SLC7A5: variants seen among roughly 807,000 people sequenced by gnomAD.
The protein encoded by SLC7A5 is solute carrier family 7 member 5, also known as large neutral amino acids transporter small subunit 1.
A neutral mutation model predicts 50.2 loss-of-function variants in SLC7A5; 23 were observed. The ratio of observed to expected loss-of-function variants is 0.46; its 90% confidence interval spans 0.33 to 0.65. The LOEUF (loss-of-function observed/expected upper bound fraction) is 0.65, where lower values mean the gene tolerates loss of function less well. Ranked by LOEUF, SLC7A5 falls within the 30% of genes least tolerant of loss-of-function variation. The probability of loss-of-function intolerance (pLI) is 0.02; values close to 1 mark genes in which losing one functional copy is unlikely to be tolerated. For synonymous variants in SLC7A5, 393 were observed against 330.6 expected (o/e 1.19, Z -2.05); for missense variants, 578 against 684.4 (o/e 0.84, Z 1.73).
At chr16:87,836,739 G>A (rs1597493745) in intron 7 of SLC7A5, 92 bp from the exon 8 acceptor site, 1 of 1,391,992 alleles carries the variant, frequency 7.2e-7, no homozygotes, top group Non-Finnish European at 1.0e-6. Flanking sequence ...CAGCCTGGCT[G>A]GGCCCAGCTG....
chr16:87,853,330 T>A lies in SLC7A5; in HGVS notation c.539-1481A>T, dbSNP rs1212663495. Among the ~76,000 whole-genome samples the A allele has an allele frequency of 6.6e-6, 1 of 152,230 alleles. No individual in the cohort carries two copies. Among genetic ancestry groups the A allele is most frequent in the Non-Finnish European group, 1.5e-5 (1 of 68,030 alleles). ...ATCTCTCAGAAATTAACCACCCCGC[T>A]ACAATTCTGTGGATGCCAGAGCGGA... On this transcript the variant is annotated intron_variant, in intron 1 of 9. Transcript: ENST00000261622. This position sits in a 1 kb window ranked among gnomAD's most constrained non-coding sequence, Gnocchi z 4.4.
intron 3 of SLC7A5, 91 bp from the exon 4 acceptor site, chr16:87,840,564 C>G (rs1217392223): frequency 2.6e-6 from 3 of 1,139,510 alleles, no homozygotes; most frequent in Non-Finnish European, 4.0e-6. Flanking sequence ...AGCTGGTGAG[C>G]CTGCCCCCCG....
Position 87,853,497 on chromosome 16 carries a change from C to T in SLC7A5, c.539-1648G>A, listed in dbSNP as rs527434114. Among the ~76,000 whole-genome samples the T allele has an allele frequency of 2.0e-5, 3 of 152,284 alleles. No individual in the cohort carries two copies. The highest frequency in any genetic ancestry group is 7.2e-5 in the African/African-American group (3 of 41,552). On this transcript the variant is annotated intron_variant, in intron 1 of 9. Coordinates refer to ENST00000261622, the MANE Select transcript of SLC7A5 (RefSeq NM_003486.7). The surrounding 1 kb of genome is among the most constrained non-coding windows in gnomAD (Gnocchi z 4.4). ...TGAAGAGGTGATTCTTCACCTCTTC[C>T]CAGGGCTCCCAGGGACATGGAGATG...
chr16:87,850,912 G>T (rs1020294543), intron 2 of SLC7A5, among the ~76,000 whole-genome samples: 16 of 152,228 alleles, frequency 1.1e-4, no homozygotes, highest in Non-Finnish European at 2.1e-4. Flanking sequence ...GAGACACCCA[G>T]CAAAATACCA....
Position 87,841,718 on chromosome 16 carries a change from G to T in SLC7A5, c.665-563C>A, listed in dbSNP as rs1301597696. Among the ~76,000 whole-genome samples the T allele has an allele frequency of 6.6e-6, 1 of 152,194 alleles. No individual in the cohort carries two copies. Among genetic ancestry groups the T allele is most frequent in the East Asian group, 1.9e-4 (1 of 5,184 alleles). ...GTGTGGCCAGCTGCAGCCGGGGCAG[G>T]GGCAGGAGCAGGGCTGCCAGGGCCG... On this transcript the variant is annotated intron_variant, in intron 2 of 9. Transcript: ENST00000261622. The surrounding 1 kb of genome is among the most constrained non-coding windows in gnomAD (Gnocchi z 4.8).
intron 1 of SLC7A5, among the ~76,000 whole-genome samples, chr16:87,867,919 T>G (rs1211237477): frequency 1.3e-5 from 2 of 151,786 alleles, no homozygotes. Flanking sequence ...ATCGAGACCA[T>G]CCTGGCTAAC....
intron 1 of SLC7A5, among the ~76,000 whole-genome samples, chr16:87,859,912 CAAAAA>C (rs911813936): frequency 5.7e-5 from 8 of 140,364 alleles, no homozygotes; most frequent in Non-Finnish European, 1.1e-4. Context: ...GCCTGGGTGA[CAAAAA>C]CAAAACAAAA....
In SLC7A5 at chr16:87,842,868, G is replaced by A. The variant is rs942344867; in HGVS notation, c.665-1713C>T. On this transcript the variant is annotated intron_variant, in intron 2 of 9. Transcript: ENST00000261622. The stretch of plus-strand genomic sequence containing the variant: ...GACAGGGCACTTTGCACAGCACCTC[G>A]GCACAGCCCCTCTGGCCTCTCTCCC... Among the ~76,000 whole-genome samples, 7 of 58,810 alleles carry A rather than the reference G, an allele frequency of 1.2e-4. No individual in the cohort carries two copies. In the South Asian group the frequency reaches 5.6e-3, roughly 47 times the overall value. 38.6% of individuals were successfully genotyped at this position (58,810 alleles called of 152,430 possible).
In SLC7A5 at chr16:87,862,043, G is replaced by A. The variant is rs1232815716; in HGVS notation, c.538+6842C>T. On this transcript the variant is annotated intron_variant, in intron 1 of 9. Coordinates refer to ENST00000261622, the MANE Select transcript of SLC7A5 (RefSeq NM_003486.7). The surrounding 1 kb of genome is among the most constrained non-coding windows in gnomAD (Gnocchi z 5.3). ...TGAGCCAGGATCCCAGCTGTGGGGG[G>A]TTGGGGGTGGAGGGGTGCAGGGATC... Among the ~76,000 whole-genome samples the A allele has an allele frequency of 6.6e-6, 1 of 152,224 alleles. No homozygotes were observed. The highest frequency in any genetic ancestry group is 1.5e-5 in the Non-Finnish European group (1 of 68,036).
At chr16:87,865,837 C>A (rs1414218643) in intron 1 of SLC7A5, among the ~76,000 whole-genome samples, 2 of 151,828 alleles carry the variant, frequency 1.3e-5, no homozygotes, top group Non-Finnish European at 2.9e-5. Context: ...AGAATCCACA[C>A]CCCGCCGGGT....
intron 2 of SLC7A5, among the ~76,000 whole-genome samples, chr16:87,847,361 A>T (rs881388): frequency 1.3e-5 from 2 of 152,012 alleles, no homozygotes; most frequent in Non-Finnish European, 2.9e-5. Flanking sequence ...CAGGAAGAGG[A>T]GACCAAGACA....
chr16:87,844,801 C>T (rs2055129806), intron 2 of SLC7A5, among the ~76,000 whole-genome samples: 1 of 152,096 alleles, frequency 6.6e-6, no homozygotes, highest in Non-Finnish European at 1.5e-5. Context: ...CTTCCAACCA[C>T]TCTGGCCCCT....
In SLC7A5 at chr16:87,831,932, G is replaced by C. The variant is rs2054939675; in HGVS notation, c.*1038C>G. ...GGGCATCAGGACCAGGACAGGACAT[G>C]AGCGTGACAGGGAGAGCGGGGAGGT... On this transcript the variant is annotated 3_prime_UTR_variant, in exon 10 of 10. Transcript: ENST00000261622. The C allele has an allele frequency of 6.5e-6, 1 of 152,992 alleles. No homozygotes were observed. The highest frequency in any genetic ancestry group is 2.4e-5 in the African/African-American group (1 of 41,476). The allele number at this position is 152,992 out of a possible 1,614,324, so 9.5% of individuals were successfully genotyped here.
At chr16:87,845,880 G>A (rs67288628) in intron 2 of SLC7A5, among the ~76,000 whole-genome samples, 42,830 of 152,062 alleles carry the variant, frequency 0.28, 6,834 homozygotes, top group East Asian at 0.66. Flanking sequence ...GGTGAAGGCC[G>A]CGGGAAAACA....
intron 7 of SLC7A5, 85 bp from the exon 8 acceptor site, chr16:87,836,732 CCTGG>C (rs2055009160): frequency 6.9e-7 from 1 of 1,445,878 alleles, no homozygotes; most frequent in Non-Finnish European, 9.6e-7. Context: ...GACTGTCCAG[CCTGG>C]CTGGGCCCAG....
rs568777811 is a variant in SLC7A5 at position 87,841,471 on chromosome 16, T to C, written c.665-316A>G. 2.2e-4 allele frequency among the ~76,000 whole-genome samples: 33 copies of C among 152,288 alleles called. No individual in the cohort carries two copies. The highest frequency in any genetic ancestry group is 5.5e-4 in the African/African-American group (23 of 41,568). Reference sequence around the variant, plus strand: ...GGATGGAGGGGTCAACCAGCCCCAGTTGCCTTCAAGAAGGTTCCCTGAGAC... The same window carrying C: ...GGATGGAGGGGTCAACCAGCCCCAGCTGCCTTCAAGAAGGTTCCCTGAGAC... On this transcript the variant is annotated intron_variant, in intron 2 of 9. Coordinates refer to ENST00000261622, the MANE Select transcript of SLC7A5 (RefSeq NM_003486.7). The surrounding 1 kb of genome is among the most constrained non-coding windows in gnomAD (Gnocchi z 4.8).
rs1240902402 is a variant in SLC7A5 at position 87,860,341 on chromosome 16, T to TATACAC, written c.539-8493_539-8492insGTGTAT. Reference sequence around the variant, plus strand: ...AAAGCATCTCAAAAAAAAAAAAAAATACACACACACACACACACACACACA... The same window carrying TATACAC: ...AAAGCATCTCAAAAAAAAAAAAAAATATACACACACACACACACACACACACACACA... On this transcript the variant is annotated intron_variant, in intron 1 of 9. Coordinates refer to ENST00000261622, the MANE Select transcript of SLC7A5 (RefSeq NM_003486.7). The surrounding 1 kb of genome is among the most constrained non-coding windows in gnomAD (Gnocchi z 4.8). Among the ~76,000 whole-genome samples the TATACAC allele has an allele frequency of 2.3e-5, 2 of 86,184 alleles. No homozygotes were observed. Among genetic ancestry groups the TATACAC allele is most frequent in the African/African-American group, 5.0e-5 (1 of 19,936 alleles). 56.5% of individuals were successfully genotyped at this position (86,184 alleles called of 152,430 possible).
At chr16:87,858,011 C>T (rs2143812589) in intron 1 of SLC7A5, among the ~76,000 whole-genome samples, 1 of 152,316 alleles carries the variant, frequency 6.6e-6, no homozygotes, top group East Asian at 1.9e-4. Context: ...TGGAAAAGGG[C>T]AGCTTCTCAT....
At position 87,851,603 on chromosome 16, in the gene SLC7A5, G is replaced by A. The variant is rs1402834416; in HGVS notation, c.664+121C>T. 35 of 1,252,364 alleles carry A rather than the reference G, an allele frequency of 2.8e-5. No individual in the cohort carries two copies. In the South Asian group the frequency reaches 3.9e-4, roughly 14 times the overall value. The allele number at this position is 1,252,364 out of a possible 1,614,324, so 77.6% of individuals were successfully genotyped here. A position where few individuals can be genotyped will look rare whatever the true frequency, so the allele number is the denominator to read the frequency against. On this transcript the variant is annotated intron_variant, in intron 2 of 9. Transcript: ENST00000261622. ...GATTTTCCCAGAGGGAAATCTCCAC[G>A]TTGTACAGCACTGCAGAGCTGCGGA...
Sources: gnomAD v4.1 joint callset for allele counts (sites outside exome capture counted in the v4.1 genomes callset) on GRCh38, gnomAD v4.1.1 for gene constraint, Gnocchi (gnomAD v3.1) non-coding constraint, MANE v1.5 for transcripts, NCBI Gene and HGNC (gene_info 2026-07-23, HGNC 2026-07-21) for gene names.